CALN1: variants seen among roughly 807,000 people sequenced by gnomAD.
CALN1 encodes calcium-binding protein 8.
CALN1 carries 17 observed loss-of-function variants against 30.6 expected under a neutral mutation model. That is an observed-to-expected ratio of 0.56 (90% CI 0.38 to 0.83). The LOEUF is 0.83. Ranked by LOEUF, CALN1 falls within the 40% of genes least tolerant of loss-of-function variation. The probability of loss-of-function intolerance (pLI) is 0.00; values close to 1 mark genes in which losing one functional copy is unlikely to be tolerated. For synonymous variants in CALN1, 156 were observed against 131.4 expected, an observed-to-expected ratio of 1.19 and a Z score of -1.28; for missense variants, 291 against 354.9, an observed-to-expected ratio of 0.82 and a Z score of 1.45.
At chr7:71,864,827 C>T (rs184778529) in intron 5 of CALN1, among the ~76,000 whole-genome samples, 5 of 152,210 alleles carry the variant, frequency 3.3e-5, no homozygotes, top group Middle Eastern at 3.4e-3. Flanking sequence ...CATGGTGAAA[C>T]TCTGTCTCTA....
intron 5 of CALN1, among the ~76,000 whole-genome samples, chr7:71,985,543 T>A (rs1798619063): frequency 6.7e-6 from 1 of 149,162 alleles, no homozygotes; most frequent in African/African-American, 2.5e-5. Context: ...GTATTCCCAA[T>A]AACACAGTCC....
chr7:72,358,494 T>C (rs1803372684), intron 2 of CALN1, among the ~76,000 whole-genome samples: 1 of 152,206 alleles, frequency 6.6e-6, no homozygotes, highest in Non-Finnish European at 1.5e-5. Flanking sequence ...CATCACTCCC[T>C]GTGGCTGGCC....
intron 3 of CALN1, among the ~76,000 whole-genome samples, chr7:72,271,563 T>TAAAAAAAAAAAAAAAAAAAA (rs1426004146): frequency 1.3e-5 from 1 of 76,308 alleles, no homozygotes; most frequent in African/African-American, 7.9e-5. Flanking sequence ...TGCCTGCCTT[T>TAAAAAAAAAAAAAAAAAAAA]TAAAAAAAAA....
intron 4 of CALN1, among the ~76,000 whole-genome samples, chr7:72,051,185 G>A (rs1236167602): frequency 1.3e-5 from 2 of 151,754 alleles, no homozygotes; most frequent in East Asian, 3.8e-4. Flanking sequence ...GATATGCATT[G>A]TATCAAAAAG....
chr7:72,208,873 A>T (rs962884045), intron 3 of CALN1, among the ~76,000 whole-genome samples: 2 of 152,186 alleles, frequency 1.3e-5, no homozygotes, highest in Non-Finnish European at 2.9e-5. Context: ...CTCTCCAGGA[A>T]GGCTGGGGAT....
At chr7:72,155,588 G>A (rs1379639268) in intron 3 of CALN1, among the ~76,000 whole-genome samples, 3 of 152,102 alleles carry the variant, frequency 2.0e-5, no homozygotes, top group Non-Finnish European at 4.4e-5. Flanking sequence ...CTGAGCAGAC[G>A]CATAGAGCTT....
At chr7:72,121,336 T>G (rs149939926) in intron 3 of CALN1, among the ~76,000 whole-genome samples, 1 of 144,074 alleles carries the variant, frequency 6.9e-6, no homozygotes, top group Non-Finnish European at 1.5e-5. Context: ...AAATAATATA[T>G]AAATTATATT....
At chr7:72,219,960 C>T (rs776312027) in intron 3 of CALN1, among the ~76,000 whole-genome samples, 2 of 152,006 alleles carry the variant, frequency 1.3e-5, no homozygotes, top group Non-Finnish European at 2.9e-5. Context: ...AATTCAACCT[C>T]ACTAGTAGTC....
At chr7:72,141,366 G>A (rs932903484) in intron 3 of CALN1, among the ~76,000 whole-genome samples, 1 of 152,124 alleles carries the variant, frequency 6.6e-6, no homozygotes, top group Non-Finnish European at 1.5e-5. Context: ...TTGGGAGGCT[G>A]AAGCAAGTGG....
chr7:71,845,750 G>C (rs558589362), intron 5 of CALN1, among the ~76,000 whole-genome samples: 1 of 151,960 alleles, frequency 6.6e-6, no homozygotes, highest in African/African-American at 2.4e-5. Flanking sequence ...GGGATTTCCC[G>C]CTGGGTTAAG....
intron 4 of CALN1, among the ~76,000 whole-genome samples, chr7:72,061,264 A>G (rs1803627212): frequency 6.6e-6 from 1 of 152,218 alleles, no homozygotes; most frequent in Non-Finnish European, 1.5e-5. Flanking sequence ...AGAAGCAGGA[A>G]AATTTGACCT....
intron 5 of CALN1, among the ~76,000 whole-genome samples, chr7:71,844,868 T>C (rs1261695066): frequency 6.6e-6 from 1 of 152,042 alleles, no homozygotes; most frequent in East Asian, 1.9e-4. Context: ...TCCATCTGAG[T>C]TCTTTAATGT....
chr7:71,848,724 G>A (rs1226256290), intron 5 of CALN1, among the ~76,000 whole-genome samples: 1 of 151,780 alleles, frequency 6.6e-6, no homozygotes. Context: ...TTCAAGAAAA[G>A]AAAAAATTTA....
intron 5 of CALN1, among the ~76,000 whole-genome samples, chr7:71,873,277 G>C (rs6948935): frequency 0.25 from 37,302 of 151,644 alleles, 4,883 homozygotes; most frequent in African/African-American, 0.32. Flanking sequence ...CAAAGTGCTG[G>C]GATTACAGGT....
At chr7:72,151,983 A>T (rs1008351515) in intron 3 of CALN1, among the ~76,000 whole-genome samples, 7 of 144,566 alleles carry the variant, frequency 4.8e-5, no homozygotes, top group Non-Finnish European at 8.9e-5. Flanking sequence ...ATTTCGGCTC[A>T]CTGTAACCTC....
chr7:71,819,467 G>A lies in CALN1; in HGVS notation c.502-8975C>T, dbSNP rs1345313681. Among the ~76,000 whole-genome samples, 5 of 152,272 alleles carry A rather than the reference G, an allele frequency of 3.3e-5. No homozygotes were observed. In the East Asian group the frequency reaches 9.7e-4, roughly 30 times the overall value. ...GATCTGCCCGCCTTGGCCTCCCAAA[G>A]TGTTGGGATTGCAGGCATGAGCCAC... On this transcript the variant is annotated intron_variant, in intron 5 of 6. Transcript: ENST00000395275.
At chr7:71,969,826 C>CT (rs1797708324) in intron 5 of CALN1, among the ~76,000 whole-genome samples, 1 of 142,712 alleles carries the variant, frequency 7.0e-6, no homozygotes, top group Non-Finnish European at 1.5e-5. Context: ...ACTGTAGGAC[C>CT]ATTTTTTTTT....
At chr7:72,107,812 A>G (rs367681522) in intron 3 of CALN1, among the ~76,000 whole-genome samples, 12 of 152,238 alleles carry the variant, frequency 7.9e-5, no homozygotes, top group African/African-American at 2.6e-4. Flanking sequence ...AATACGGAAA[A>G]ATAAAAATGA....
intron 5 of CALN1, among the ~76,000 whole-genome samples, chr7:71,879,097 G>A (rs1792420090): frequency 6.6e-6 from 1 of 152,148 alleles, no homozygotes; most frequent in South Asian, 2.1e-4. Context: ...TTTACCTGAT[G>A]GCAGAGAAAG....
Sources: allele counts gnomAD v4.1 joint callset (sites outside exome capture counted in the v4.1 genomes callset), GRCh38; gene constraint gnomAD v4.1.1; transcripts MANE v1.5; gene names NCBI Gene and HGNC (gene_info 2026-07-23, HGNC 2026-07-21).